ZNF804B: variants seen among roughly 807,000 people sequenced by gnomAD.
ZNF804B encodes zinc finger protein 804B, also known as zinc finger 804B.
ZNF804B carries 80 observed loss-of-function variants against 101.4 expected under a neutral mutation model. That is an observed-to-expected ratio of 0.79 (90% CI 0.66 to 0.95). ZNF804B has a LOEUF of 0.95. Ranked by LOEUF, ZNF804B falls within the 40% of genes least tolerant of loss-of-function variation. The pLI, the probability that ZNF804B is intolerant of heterozygous loss-of-function variation, is 0.00. For missense variants in ZNF804B, 1,673 were observed against 1,561.9 expected, an observed-to-expected ratio of 1.07 and a Z score of -1.20; for synonymous variants, 622 against 558.8, an observed-to-expected ratio of 1.11 and a Z score of -1.59.
intron 1 of ZNF804B, among the ~76,000 whole-genome samples, chr7:88,765,294 A>G (rs918621660): frequency 1.3e-5 from 2 of 152,188 alleles, no homozygotes; most frequent in Non-Finnish European, 2.9e-5. Context: ...TAAAATAAAA[A>G]TGAAACATTT....
chr7:88,772,287 A>G (rs998593435), intron 1 of ZNF804B, among the ~76,000 whole-genome samples: 2 of 152,194 alleles, frequency 1.3e-5, no homozygotes, highest in African/African-American at 4.8e-5. Flanking sequence ...TTACAAAAAA[A>G]CCATAAATCT....
chr7:88,924,848 C>G (rs1792773124), intron 1 of ZNF804B, among the ~76,000 whole-genome samples: 1 of 152,122 alleles, frequency 6.6e-6, no homozygotes, highest in African/African-American at 2.4e-5. Context: ...CCCCCGCACA[C>G]CCAACATTTA....
rs144841682 is a variant in ZNF804B at position 89,140,092 on chromosome 7, A to G, written c.109-78063A>G. On this transcript the variant is annotated intron_variant, in intron 1 of 3. Coordinates refer to ENST00000333190, the MANE Select transcript of ZNF804B (RefSeq NM_181646.5). ...ATCAAATGGCATTAATCTTGTAGAG[A>G]TCCACCAGAGAAACAGGATGACCAA... 1.7e-3 allele frequency among the ~76,000 whole-genome samples: 262 copies of G among 152,186 alleles called. 2 individuals are homozygous for G. The highest frequency in any genetic ancestry group is 5.8e-3 in the African/African-American group (242 of 41,552).
intron 1 of ZNF804B, among the ~76,000 whole-genome samples, chr7:89,164,327 C>T (rs1332811375): frequency 6.6e-6 from 1 of 151,974 alleles, no homozygotes; most frequent in Non-Finnish European, 1.5e-5. Context: ...TACATCAGGA[C>T]CCATATGTTC....
chr7:89,272,908 T>C (rs1046684340), intron 2 of ZNF804B, among the ~76,000 whole-genome samples: 1 of 152,096 alleles, frequency 6.6e-6, no homozygotes, highest in Admixed American at 6.6e-5. Flanking sequence ...AAATGTTGCC[T>C]TTATACTGCC....
At chr7:89,208,630 A>G (rs563146539) in intron 1 of ZNF804B, among the ~76,000 whole-genome samples, 40 of 152,266 alleles carry the variant, frequency 2.6e-4, no homozygotes, top group South Asian at 8.3e-4. Context: ...GAGGAACTGT[A>G]TATTAATTCA....
chr7:88,923,775 A>G (rs1792757160), intron 1 of ZNF804B, among the ~76,000 whole-genome samples: 1 of 152,130 alleles, frequency 6.6e-6, no homozygotes, highest in Non-Finnish European at 1.5e-5. Context: ...AGAAATATGT[A>G]TAGACATATA....
At chr7:88,771,578 C>CA (rs1228490765) in intron 1 of ZNF804B, among the ~76,000 whole-genome samples, 1 of 152,086 alleles carries the variant, frequency 6.6e-6, no homozygotes. Flanking sequence ...CACAACGTCT[C>CA]TGTTGCTTCA....
rs1216305593 is a variant in ZNF804B, at chr7:88,854,406, TCTTTCTTC to T, written c.108+94330_108+94337del. ...TACTGCATTTCTTTCTTTCTTTCTT[TCTTTCTTC>T]CTTTCTTTCTTTCTTTCTTTCTTTC... On this transcript the variant is annotated intron_variant, in intron 1 of 3. Coordinates refer to ENST00000333190, the MANE Select transcript of ZNF804B (RefSeq NM_181646.5). Among the ~76,000 whole-genome samples, 251 of 126,638 alleles carry T rather than the reference TCTTTCTTC, an allele frequency of 2.0e-3. 2 individuals carry two copies. The highest frequency in any genetic ancestry group is 4.4e-3 in the African/African-American group (139 of 31,726). The allele number at this position is 126,638 out of a possible 152,430, so 83.1% of individuals were successfully genotyped here.
intron 1 of ZNF804B, among the ~76,000 whole-genome samples, chr7:88,839,246 A>AT (rs918715603): frequency 6.6e-6 from 1 of 151,990 alleles, no homozygotes; most frequent in African/African-American, 2.4e-5. Flanking sequence ...AGTCCCTTAC[A>AT]TTTGGCACCT....
intron 3 of ZNF804B, among the ~76,000 whole-genome samples, chr7:89,328,672 G>GA (rs906996088): frequency 2.0e-5 from 3 of 151,898 alleles, no homozygotes; most frequent in Admixed American, 2.0e-4. Flanking sequence ...TAGCATGCAG[G>GA]AAAAAATCTA....
chr7:88,822,185 C>A (rs960825902), intron 1 of ZNF804B, among the ~76,000 whole-genome samples: 1 of 152,112 alleles, frequency 6.6e-6, no homozygotes, highest in Non-Finnish European at 1.5e-5. Context: ...TAGGAAAGAT[C>A]TTTTACTAGT....
intron 2 of ZNF804B, among the ~76,000 whole-genome samples, chr7:89,222,042 A>G (rs994660555): frequency 1.3e-5 from 2 of 151,970 alleles, no homozygotes; most frequent in African/African-American, 4.8e-5. Flanking sequence ...TGATTCCAGA[A>G]AGAAGAGAAG....
At chr7:89,000,354 A>T (rs943442868) in intron 1 of ZNF804B, among the ~76,000 whole-genome samples, 55 of 151,990 alleles carry the variant, frequency 3.6e-4, no homozygotes, top group African/African-American at 1.2e-3. Flanking sequence ...CAGCAATAAC[A>T]AATCATTAAG....
intron 2 of ZNF804B, among the ~76,000 whole-genome samples, chr7:89,309,125 A>G (rs1364727159): frequency 6.6e-6 from 1 of 152,056 alleles, no homozygotes; most frequent in African/African-American, 2.4e-5. Flanking sequence ...TAGTTATTTA[A>G]CCCTTGCCCC....
In ZNF804B at chr7:89,218,374, T is replaced by C; in HGVS notation, c.249+79T>C. ...AGAACTGTATGAATTTGACCTTATT[T>C]ACTGCCATATAAGACTGTGAGGTAA... On this transcript the variant is annotated intron_variant, in intron 2 of 3. Transcript: ENST00000333190. 9.9e-6 allele frequency: 15 copies of C among 1,508,168 alleles called. No individual in the cohort carries two copies. The South Asian group carries it at 1.8e-4, about 18-fold the overall frequency. The allele number at this position is 1,508,168 out of a possible 1,614,324, so 93.4% of individuals were successfully genotyped here. A position where few individuals can be genotyped will look rare whatever the true frequency, so the allele number is the denominator to read the frequency against.
chr7:88,875,914 A>C (rs1025915898), intron 1 of ZNF804B, among the ~76,000 whole-genome samples: 2 of 152,198 alleles, frequency 1.3e-5, no homozygotes, highest in Non-Finnish European at 2.9e-5. Context: ...ATCCTAAATA[A>C]AATACTGGCA....
intron 1 of ZNF804B, among the ~76,000 whole-genome samples, chr7:88,846,603 A>C (rs1791376660): frequency 6.6e-6 from 1 of 152,194 alleles, no homozygotes; most frequent in African/African-American, 2.4e-5. Context: ...AACTGCTCAC[A>C]CACAATGCTT....
intron 1 of ZNF804B, among the ~76,000 whole-genome samples, chr7:89,162,868 T>C (rs1349509567): frequency 1.0e-5 from 1 of 99,304 alleles, no homozygotes; most frequent in East Asian, 2.4e-4. Context: ...TGTGTTCTCA[T>C]TGTTCAATTC....
Sources: gnomAD v4.1 joint callset for allele counts (sites outside exome capture counted in the v4.1 genomes callset) on GRCh38, gnomAD v4.1.1 for gene constraint, MANE v1.5 for transcripts, NCBI Gene and HGNC (gene_info 2026-07-23, HGNC 2026-07-21) for gene names.